Variants in CDK14 observed in about 807,000 individuals in gnomAD.
The protein encoded by CDK14 is cyclin dependent kinase 14.
Under a neutral mutation model 60.7 loss-of-function variants are expected in CDK14, and 34 were observed. The observed-to-expected ratio is 0.56, with a 90% confidence interval of 0.43 to 0.75. The LOEUF is 0.75. Ranked by LOEUF, CDK14 falls within the 30% of genes least tolerant of loss-of-function variation. The probability of loss-of-function intolerance (pLI) is 0.00; values close to 1 mark genes in which losing one functional copy is unlikely to be tolerated. For missense variants in CDK14, 482 were observed against 564.1 expected (o/e 0.85, Z 1.47); for synonymous variants, 197 against 203.7 (o/e 0.97, Z 0.28).
intron 2 of CDK14, among the ~76,000 whole-genome samples, chr7:90,622,419 T>G (rs1004435397): frequency 1.3e-5 from 2 of 152,204 alleles, no homozygotes; most frequent in Admixed American, 6.6e-5. Context: ...CTTGAAACTT[T>G]TATTAGTAGA....
chr7:91,010,831 TCCTCCCTCCCTCCCTCCCTC>T (rs1185539845), intron 10 of CDK14, among the ~76,000 whole-genome samples: 1 of 64,012 alleles, frequency 1.6e-5, no homozygotes, highest in African/African-American at 7.4e-5. Flanking sequence ...CTTCCTTCCT[TCCTCCCTCCCTCCCTCCCTC>T]CCTCCCTCCC....
chr7:90,807,187 C>CTA (rs1788882349), intron 5 of CDK14, among the ~76,000 whole-genome samples: 1 of 152,212 alleles, frequency 6.6e-6, no homozygotes, highest in African/African-American at 2.4e-5. Flanking sequence ...GGTCCCTGAC[C>CTA]CCCGAGTAGC....
At chr7:90,964,375 A>G (rs1357089892) in intron 9 of CDK14, among the ~76,000 whole-genome samples, 2 of 152,116 alleles carry the variant, frequency 1.3e-5, no homozygotes, top group East Asian at 1.9e-4. Flanking sequence ...CATATGGAAA[A>G]CCTAGGTCAG....
At chr7:90,703,365 A>C (rs990526481) in intron 2 of CDK14, among the ~76,000 whole-genome samples, 1 of 152,118 alleles carries the variant, frequency 6.6e-6, no homozygotes, top group African/African-American at 2.4e-5. Context: ...CATGCTACAC[A>C]CTTGAGGCAT....
At chr7:91,046,605 A>G (rs1417217479) in intron 11 of CDK14, among the ~76,000 whole-genome samples, 2 of 152,278 alleles carry the variant, frequency 1.3e-5, no homozygotes, top group East Asian at 1.9e-4. Flanking sequence ...TCTGATTTTT[A>G]TAAGAGAAGG....
chr7:90,752,068 A>G lies in CDK14; in HGVS notation c.464+4293A>G, dbSNP rs182745770. Among the ~76,000 whole-genome samples, 7 of 152,308 alleles carry G rather than the reference A, an allele frequency of 4.6e-5. No homozygotes were observed. The East Asian group carries it at 1.3e-3, about 29-fold the overall frequency. ...ACCTACAAAAGGACTTAGCCACACA[A>G]TAATAGTGGGGGCTTCCACAACGCA... is the stretch of plus-strand genomic sequence containing the variant. On this transcript the variant is annotated intron_variant, in intron 4 of 14. Coordinates refer to ENST00000380050, the MANE Select transcript of CDK14 (RefSeq NM_001287135.2).
chr7:90,787,291 G>A (rs1805635404), intron 4 of CDK14, among the ~76,000 whole-genome samples: 1 of 151,678 alleles, frequency 6.6e-6, no homozygotes, highest in African/African-American at 2.4e-5. Flanking sequence ...CATGTCTGCT[G>A]GATGCAAAAA....
At chr7:90,900,578 A>G (rs1241221187) in intron 7 of CDK14, among the ~76,000 whole-genome samples, 1 of 152,112 alleles carries the variant, frequency 6.6e-6, no homozygotes, top group Non-Finnish European at 1.5e-5. Flanking sequence ...CTCAGGGTTT[A>G]TTGGCTTTGA....
At chr7:90,885,843 T>C (rs947915262) in intron 6 of CDK14, among the ~76,000 whole-genome samples, 4 of 152,100 alleles carry the variant, frequency 2.6e-5, no homozygotes, top group Admixed American at 6.6e-5. Context: ...TTCTCACTTA[T>C]AAGTGGGAGT....
At chr7:90,921,408 A>G (rs143093757) in intron 8 of CDK14, among the ~76,000 whole-genome samples, 182 of 152,158 alleles carry the variant, frequency 1.2e-3, no homozygotes, top group African/African-American at 3.9e-3. Context: ...CTTCTAGTCT[A>G]ATTTCTTCAA....
At chr7:91,119,293 C>A (rs1799711923) in intron 14 of CDK14, among the ~76,000 whole-genome samples, 1 of 152,092 alleles carries the variant, frequency 6.6e-6, no homozygotes, top group Non-Finnish European at 1.5e-5. Flanking sequence ...ACAGCCTGGA[C>A]AACATGGTGA....
chr7:91,034,230 C>T (rs1445745535), intron 10 of CDK14, among the ~76,000 whole-genome samples: 1 of 152,070 alleles, frequency 6.6e-6, no homozygotes, highest in African/African-American at 2.4e-5. Flanking sequence ...TAAATTGGGC[C>T]AGACAGTGGT....
intron 2 of CDK14, chr7:90,709,920 C>T: frequency 1.7e-6 from 2 of 1,177,756 alleles, no homozygotes; most frequent in African/African-American, 1.6e-5. Context: ...TTAAAGAGTT[C>T]CAGGTGAATC....
At chr7:90,676,826 A>G (rs943503237) in intron 2 of CDK14, among the ~76,000 whole-genome samples, 1 of 152,116 alleles carries the variant, frequency 6.6e-6, no homozygotes, top group Admixed American at 6.6e-5. Context: ...ATGAGCCACT[A>G]TAGCCGGCTC....
chr7:90,779,881 A>G (rs542104032), intron 4 of CDK14, among the ~76,000 whole-genome samples: 2 of 152,332 alleles, frequency 1.3e-5, no homozygotes, highest in South Asian at 4.1e-4. Flanking sequence ...TTGAATCCAG[A>G]AAAATTGAGT....
intron 9 of CDK14, among the ~76,000 whole-genome samples, chr7:90,964,861 A>G (rs1794706761): frequency 6.6e-6 from 1 of 152,170 alleles, no homozygotes; most frequent in Non-Finnish European, 1.5e-5. Flanking sequence ...GGTAGTATTT[A>G]TGATGATATA....
At chr7:90,652,711 T>G (rs1027519359) in intron 2 of CDK14, among the ~76,000 whole-genome samples, 122 of 152,252 alleles carry the variant, frequency 8.0e-4, no homozygotes, top group African/African-American at 2.8e-3. Flanking sequence ...TTATGTTGTC[T>G]TCTTTAATTC....
At chr7:90,973,003 C>T (rs1794972155) in intron 9 of CDK14, among the ~76,000 whole-genome samples, 1 of 152,102 alleles carries the variant, frequency 6.6e-6, no homozygotes, top group Non-Finnish European at 1.5e-5. Flanking sequence ...GCTTCAAGTA[C>T]TTTTTTTGGA....
chr7:91,052,862 T>C (rs1797430255), intron 11 of CDK14, among the ~76,000 whole-genome samples: 1 of 152,164 alleles, frequency 6.6e-6, no homozygotes, highest in African/African-American at 2.4e-5. Flanking sequence ...AATGAAATAA[T>C]ATAAAGAATT....
Sources: gnomAD v4.1 joint callset for allele counts (sites outside exome capture counted in the v4.1 genomes callset) on GRCh38, gnomAD v4.1.1 for gene constraint, MANE v1.5 for transcripts, NCBI Gene and HGNC (gene_info 2026-07-23, HGNC 2026-07-21) for gene names.